Variants in ARHGAP8 observed in about 807,000 individuals in gnomAD.
ARHGAP8 encodes Rho GTPase activating protein 8.
Under a neutral mutation model 46.1 loss-of-function variants are expected in ARHGAP8, and 62 were observed. The ratio of observed to expected loss-of-function variants is 1.34; its 90% CI spans 1.10 to 1.66. ARHGAP8 has a LOEUF of 1.66. Ranked by LOEUF, ARHGAP8 falls within the 40% of genes most tolerant of loss-of-function variation. The probability of loss-of-function intolerance (pLI) is 0.00; values close to 1 mark genes in which losing one functional copy is unlikely to be tolerated. For missense variants in ARHGAP8, 923 were observed against 568.4 expected (o/e 1.62, Z -6.34); for synonymous variants, 375 against 243.1 (o/e 1.54, Z -5.05).
At chr22:44,809,790 C>A (rs1569156525) in intron 4 of ARHGAP8, 1 of 152,602 alleles carries the variant, frequency 6.6e-6, no homozygotes, top group Non-Finnish European at 1.5e-5. Context: ...TCTTCAAAGT[C>A]CTTTCAAACC....
chr22:44,813,347 ATACACT>A (rs1221274844), intron 4 of ARHGAP8, among the ~76,000 whole-genome samples: 3 of 151,592 alleles, frequency 2.0e-5, no homozygotes, highest in African/African-American at 7.3e-5. Context: ...CTACATATAC[ATACACT>A]TACACACACC....
At chr22:44,842,592 A>G (rs1931726090) in intron 7 of ARHGAP8, among the ~76,000 whole-genome samples, 2 of 152,124 alleles carry the variant, frequency 1.3e-5, no homozygotes, top group African/African-American at 4.8e-5. Flanking sequence ...TGGCGAGAGG[A>G]AAGTCCCTCA....
intron 1 of ARHGAP8, among the ~76,000 whole-genome samples, chr22:44,784,746 G>A (rs1003974349): frequency 6.6e-5 from 10 of 152,208 alleles, no homozygotes; most frequent in African/African-American, 2.2e-4. Flanking sequence ...TCCAGGGAGC[G>A]GGATGTGGAC....
intron 1 of ARHGAP8, among the ~76,000 whole-genome samples, chr22:44,781,294 C>A (rs1926830192): frequency 6.6e-6 from 1 of 152,268 alleles, no homozygotes; most frequent in South Asian, 2.1e-4. Context: ...GGTTTACTCT[C>A]CTTACTGCTT....
chr22:44,862,014 T>C (rs1045722236), intron 11 of ARHGAP8, among the ~76,000 whole-genome samples: 5 of 151,964 alleles, frequency 3.3e-5, no homozygotes, highest in African/African-American at 9.7e-5. Context: ...GAAGAGGAGA[T>C]AGTGGGGGGT....
chr22:44,798,261 C>G lies in ARHGAP8; in HGVS notation c.80-3816C>G, dbSNP rs117039648. On this transcript the variant is annotated intron_variant, in intron 2 of 11. Coordinates refer to ENST00000356099, the MANE Select transcript of ARHGAP8 (RefSeq NM_181335.3). ...AAAGTGCTGGAATTACATGAGTGAG[C>G]CACTGCACCTGGCCAAAAAAATTTT... Among the ~76,000 whole-genome samples the G allele has an allele frequency of 2.5e-3, 388 of 152,160 alleles. 13 individuals carry two copies. The East Asian group carries it at 0.061, about 24-fold the overall frequency.
chr22:44,814,770 T>C lies in ARHGAP8; in HGVS notation c.386+12T>C. ...AAGCCCCTCATCAGGTATGCGTCAC[T>C]CTGGGAGAGGACCTCGCTGGGGTTG... is the stretch of plus-strand genomic sequence containing the variant. On this transcript the variant is annotated intron_variant, in intron 5 of 11. Transcript: ENST00000356099. 1 of 1,613,600 alleles carries C rather than the reference T, an allele frequency of 6.2e-7. No individual in the cohort carries two copies. Among genetic ancestry groups the C allele is most frequent in the Non-Finnish European group, 8.5e-7 (1 of 1,179,796 alleles).
intron 2 of ARHGAP8, among the ~76,000 whole-genome samples, chr22:44,797,737 G>A (rs970692246): frequency 5.9e-5 from 9 of 152,180 alleles, no homozygotes; most frequent in African/African-American, 2.2e-4. Flanking sequence ...ACATCAAAGA[G>A]TTCACACACT....
chr22:44,859,798 C>G lies in ARHGAP8; in HGVS notation c.945C>G (p.Tyr315Ter). ...TACGGAGCCTCCCAGAGCACAACTA[C>G]GTCGTCCTCCGCTACCTCATGGGCT... ...QILRSLPEHNYVVLRYLMGFL... is the reference protein window; with the variant it reads ...QILRSLPEHN The change falls in exon 11 of 12, where the codon TAC becomes TAG. Residue 315 changes from tyrosine to a stop codon, truncating the protein, a stop_gained. Coordinates refer to ENST00000356099, the MANE Select transcript of ARHGAP8 (RefSeq NM_181335.3). LOFTEE classifies it low-confidence loss of function (END_TRUNC). 1 of 1,614,022 alleles carries G rather than the reference C, an allele frequency of 6.2e-7. No homozygotes were observed. Among genetic ancestry groups the G allele is most frequent in the Non-Finnish European group, 8.5e-7 (1 of 1,180,002 alleles).
intron 1 of ARHGAP8, among the ~76,000 whole-genome samples, chr22:44,757,001 G>C (rs1019218654): frequency 1.3e-5 from 2 of 151,902 alleles, no homozygotes; most frequent in Non-Finnish European, 2.9e-5. Flanking sequence ...CTGCGGCCTC[G>C]AACTCCTGGG....
chr22:44,826,231 G>A (rs1161541845), intron 7 of ARHGAP8, among the ~76,000 whole-genome samples: 1 of 151,992 alleles, frequency 6.6e-6, no homozygotes, highest in African/African-American at 2.4e-5. Flanking sequence ...CCTGATCCCC[G>A]CATCACCATG....
Position 44,768,351 on chromosome 22 carries a change from G to A in ARHGAP8, c.-72+15724G>A, listed in dbSNP as rs59281092. ...GTCTCACTCTTTCACCCAGGCTGAA[G>A]GGCAGTGGCGCAATCAGCCTCAGCT... On this transcript the variant is annotated intron_variant, in intron 1 of 11. Coordinates refer to ENST00000356099, the MANE Select transcript of ARHGAP8 (RefSeq NM_181335.3). Among the ~76,000 whole-genome samples, 1,333 of 151,972 alleles carry A rather than the reference G, an allele frequency of 8.8e-3. 19 individuals are homozygous for A. Among genetic ancestry groups the A allele is most frequent in the African/African-American group, 0.031 (1,290 of 41,442 alleles).
At chr22:44,778,420 T>A (rs1926580585) in intron 1 of ARHGAP8, among the ~76,000 whole-genome samples, 1 of 152,190 alleles carries the variant, frequency 6.6e-6, no homozygotes, top group Non-Finnish European at 1.5e-5. Flanking sequence ...CTTTATCCTC[T>A]CGTTGATTAA....
At chr22:44,859,616 G>C in intron 10 of ARHGAP8, 115 bp from the exon 11 acceptor site, 2 of 1,127,414 alleles carry the variant, frequency 1.8e-6, no homozygotes, top group African/African-American at 1.6e-5. Context: ...GCCCAAATGT[G>C]GGATAGTCCA....
chr22:44,785,855 T>G (rs1027145333), intron 1 of ARHGAP8, among the ~76,000 whole-genome samples: 2 of 152,108 alleles, frequency 1.3e-5, no homozygotes, highest in Non-Finnish European at 2.9e-5. Flanking sequence ...CAGCCCACCT[T>G]GGTGCTTTCG....
At chr22:44,819,090 A>G (rs1011122782) in intron 5 of ARHGAP8, among the ~76,000 whole-genome samples, 4 of 151,760 alleles carry the variant, frequency 2.6e-5, no homozygotes, top group East Asian at 1.9e-4. Context: ...TTGCTTTGAG[A>G]CAAGGTCTCA....
chr22:44,802,098 G>GTGT lies in ARHGAP8; in HGVS notation c.105_107dup (p.Val36dup), dbSNP rs1569152622. 6.2e-7 allele frequency: 1 copy of GTGT among 1,614,154 alleles called. No individual in the cohort carries two copies. Among genetic ancestry groups the GTGT allele is most frequent in the Admixed American group, 1.7e-5 (1 of 60,024 alleles). On this transcript the variant is annotated inframe_insertion, in exon 3 of 12. Transcript: ENST00000356099. ...CCAGGGGATGACCGCTTTGGAAGAC[G>GTGT]TGTTGTCACGTTCAGCTGCTGCCGG...
intron 7 of ARHGAP8, among the ~76,000 whole-genome samples, chr22:44,835,603 G>A (rs1931231492): frequency 6.6e-6 from 1 of 152,180 alleles, no homozygotes; most frequent in African/African-American, 2.4e-5. Context: ...CATGGCAACA[G>A]AGTGAGAATC....
At chr22:44,840,053 T>C (rs1931551000) in intron 7 of ARHGAP8, among the ~76,000 whole-genome samples, 1 of 152,190 alleles carries the variant, frequency 6.6e-6, no homozygotes. Flanking sequence ...GTAGCTGTGC[T>C]TCTTCCAGGG....
Sources: gnomAD v4.1 joint callset for allele counts (sites outside exome capture counted in the v4.1 genomes callset) on GRCh38, gnomAD v4.1.1 for gene constraint, MANE v1.5 for transcripts, NCBI Gene and HGNC (gene_info 2026-07-23, HGNC 2026-07-21) for gene names.